The following BICC1 variants were observed in gnomAD, a reference collection of about 807,000 sequenced individuals.
BICC1 encodes BicC family RNA binding protein 1.
A neutral mutation model predicts 111.0 loss-of-function variants in BICC1; 43 were observed. That is an observed-to-expected ratio of 0.39 (90% CI 0.30 to 0.50). BICC1 has a LOEUF of 0.50. Among genes scored for constraint, BICC1 ranks in the 20% least tolerant of loss-of-function variants. BICC1 has a pLI of 0.88. For synonymous variants in BICC1, 467 were observed against 434.4 expected (o/e 1.07, Z -0.93); for missense variants, 1,091 against 1,203.2 (o/e 0.91, Z 1.38).
intron 3 of BICC1, among the ~76,000 whole-genome samples, chr10:58,737,048 AT>A (rs1044087102): frequency 4.0e-5 from 6 of 151,888 alleles, no homozygotes; most frequent in South Asian, 2.1e-4. Flanking sequence ...TTGAAAAAAA[AT>A]TTTTTTTGAG....
chr10:58,619,166 G>A (rs1028364482), intron 1 of BICC1, among the ~76,000 whole-genome samples: 1 of 152,132 alleles, frequency 6.6e-6, no homozygotes, highest in African/African-American at 2.4e-5. Flanking sequence ...CTTTTGCCGT[G>A]TAAGATTCCA....
intron 1 of BICC1, among the ~76,000 whole-genome samples, chr10:58,618,943 C>T (rs1171892408): frequency 6.6e-6 from 1 of 152,168 alleles, no homozygotes; most frequent in Non-Finnish European, 1.5e-5. Flanking sequence ...CATTCCTTGG[C>T]TCATGGCCTG....
intron 2 of BICC1, among the ~76,000 whole-genome samples, chr10:58,688,572 C>T (rs1839816900): frequency 6.6e-6 from 1 of 152,164 alleles, no homozygotes; most frequent in Non-Finnish European, 1.5e-5. Context: ...TATAAAGACA[C>T]ATGCACACGT....
At chr10:58,674,755 C>T (rs980915114) in intron 2 of BICC1, among the ~76,000 whole-genome samples, 1 of 152,052 alleles carries the variant, frequency 6.6e-6, no homozygotes, top group Non-Finnish European at 1.5e-5. Context: ...CAGCAGGAGA[C>T]AGTGGGACAA....
intron 2 of BICC1, among the ~76,000 whole-genome samples, chr10:58,661,139 C>T (rs187137965): frequency 2.7e-4 from 41 of 151,450 alleles, no homozygotes; most frequent in African/African-American, 9.0e-4. Context: ...CTGATGCTGT[C>T]AGGTTTTTTA....
At position 58,830,647 on chromosome 10, in the gene BICC1, A is replaced by C. The variant is rs143726150; in HGVS notation, c.*1756A>C. 5.3e-4 allele frequency: 80 copies of C among 152,312 alleles called. No homozygotes were observed. Among genetic ancestry groups the C allele is most frequent in the African/African-American group, 1.9e-3 (80 of 41,586 alleles). 9.4% of individuals were successfully genotyped at this position (152,312 alleles called of 1,614,324 possible). Reference sequence around the variant, plus strand: ...AAATGGTATTGGTTACCTTGAAGGCATAGATAATGGGCCTGTCATAAAATT... The same window carrying C: ...AAATGGTATTGGTTACCTTGAAGGCCTAGATAATGGGCCTGTCATAAAATT... On this transcript the variant is annotated 3_prime_UTR_variant, in exon 21 of 21. Transcript: ENST00000373886.
chr10:58,812,213 ACAC>A (rs1385555054), intron 17 of BICC1, among the ~76,000 whole-genome samples: 2 of 94,110 alleles, frequency 2.1e-5, no homozygotes, highest in African/African-American at 8.0e-5. Flanking sequence ...TATTAAGATG[ACAC>A]TGATGAACTT....
chr10:58,764,501 T>C (rs1165736241), intron 3 of BICC1, among the ~76,000 whole-genome samples: 1 of 151,962 alleles, frequency 6.6e-6, no homozygotes, highest in Admixed American at 6.6e-5. Context: ...TAAAAGTATA[T>C]AGAAAGTGAA....
chr10:58,785,102 T>A, intron 4 of BICC1, 22 bp downstream of exon 4: 1 of 1,436,014 alleles, frequency 7.0e-7, no homozygotes, highest in Non-Finnish European at 9.6e-7. Flanking sequence ...TTAAGGACAC[T>A]CAGATGTCAG....
At chr10:58,731,835 G>A (rs9416731) in intron 3 of BICC1, among the ~76,000 whole-genome samples, 151,907 of 152,290 alleles carry the variant, frequency 1, 75,763 homozygotes, top group Middle Eastern at 1. Context: ...GTGTTAAACC[G>A]TTCATGAAGG....
intron 3 of BICC1, among the ~76,000 whole-genome samples, chr10:58,768,488 C>A (rs569467567): frequency 6.6e-6 from 1 of 152,056 alleles, no homozygotes; most frequent in African/African-American, 2.4e-5. Context: ...GAAAAGACAC[C>A]AATTAGTAGC....
At chr10:58,701,720 T>A (rs1445802540) in intron 2 of BICC1, among the ~76,000 whole-genome samples, 2 of 152,182 alleles carry the variant, frequency 1.3e-5, no homozygotes, top group Non-Finnish European at 2.9e-5. Flanking sequence ...CCTTGGCAAT[T>A]GTCTTGGGGA....
At chr10:58,737,894 A>T (rs1841524665) in intron 3 of BICC1, among the ~76,000 whole-genome samples, 1 of 152,118 alleles carries the variant, frequency 6.6e-6, no homozygotes, top group Non-Finnish European at 1.5e-5. Context: ...TTCTTTTGAG[A>T]AGTGTCTGTT....
At chr10:58,729,340 T>C (rs1271549972) in intron 3 of BICC1, among the ~76,000 whole-genome samples, 1 of 152,252 alleles carries the variant, frequency 6.6e-6, no homozygotes, top group Non-Finnish European at 1.5e-5. Flanking sequence ...ATTATGGAGA[T>C]GGCATCTTTT....
intron 3 of BICC1, among the ~76,000 whole-genome samples, chr10:58,751,009 C>T (rs372981707): frequency 1.3e-5 from 2 of 151,972 alleles, no homozygotes; most frequent in East Asian, 1.9e-4. Flanking sequence ...TTTTATGAAA[C>T]GGAAGAACAG....
chr10:58,705,270 G>A (rs1840355766), intron 3 of BICC1, among the ~76,000 whole-genome samples: 1 of 152,216 alleles, frequency 6.6e-6, no homozygotes, highest in South Asian at 2.1e-4. Flanking sequence ...TCACTAAGAA[G>A]ACCATGTGTT....
intron 3 of BICC1, among the ~76,000 whole-genome samples, chr10:58,710,507 G>A (rs1031913757): frequency 6.6e-6 from 1 of 152,154 alleles, no homozygotes; most frequent in African/African-American, 2.4e-5. Context: ...TTTTTCAGGG[G>A]AAATTAGATT....
chr10:58,678,210 T>G (rs1370566806), intron 2 of BICC1, among the ~76,000 whole-genome samples: 1 of 152,178 alleles, frequency 6.6e-6, no homozygotes, highest in Non-Finnish European at 1.5e-5. Context: ...TAACCTTAAA[T>G]GTAAATGGGC....
At chr10:58,564,906 A>C (rs546414659) in intron 1 of BICC1, among the ~76,000 whole-genome samples, 1 of 152,192 alleles carries the variant, frequency 6.6e-6, no homozygotes, top group African/African-American at 2.4e-5. Flanking sequence ...ATTTTATATA[A>C]TATTGGTATT....
Sources: gnomAD v4.1 joint callset for allele counts (sites outside exome capture counted in the v4.1 genomes callset) on GRCh38, gnomAD v4.1.1 for gene constraint, MANE v1.5 for transcripts, NCBI Gene and HGNC (gene_info 2026-07-23, HGNC 2026-07-21) for gene names.